Variants in IL21 observed in about 807,000 individuals in gnomAD.
The protein encoded by IL21 is interleukin-21.
A neutral mutation model predicts 18.4 loss-of-function variants in IL21; 3 were observed. The ratio of observed to expected loss-of-function variants is 0.16; its 90% CI spans 0.07 to 0.42. IL21 has a LOEUF of 0.42. Ranked by LOEUF, IL21 falls within the 10% of genes least tolerant of loss-of-function variation. The pLI, the probability that IL21 is intolerant of heterozygous loss-of-function variation, is 0.99. For missense variants in IL21, 130 were observed against 188.4 expected, an observed-to-expected ratio of 0.69 and a Z score of 1.81; for synonymous variants, 37 against 62.0, an observed-to-expected ratio of 0.60 and a Z score of 1.90.
chr4:122,612,598 G>GTT lies in IL21; in HGVS notation c.*110_*111dup. ...TAATCCTGACTTTGCACACTTATGAGTTTTTTTTTCCCATCGCTAATATAT... is the reference window on the plus strand; with the variant it reads ...TAATCCTGACTTTGCACACTTATGAGTTTTTTTTTTTCCCATCGCTAATATAT... On this transcript the variant is annotated 3_prime_UTR_variant, in exon 5 of 5. Coordinates refer to ENST00000648588, the MANE Select transcript of IL21 (RefSeq NM_021803.4). The GTT allele has an allele frequency of 1.3e-6, 1 of 749,656 alleles. No homozygotes were observed. Among genetic ancestry groups the GTT allele is most frequent in the Non-Finnish European group, 2.3e-6 (1 of 440,362 alleles). The allele number at this position is 749,656 out of a possible 1,614,324, so 46.4% of individuals were successfully genotyped here.
rs1799330271 is a variant in IL21, at chr4:122,615,844, G to A, written c.205-7C>T. On this transcript the variant is annotated splice_region_variant and splice_polypyrimidine_tract_variant and intron_variant, in intron 2 of 4. Coordinates refer to ENST00000648588, the MANE Select transcript of IL21 (RefSeq NM_021803.4). ...CTGACCACTCACAGTTTGTCTGAAAGATAAACAATTTGTATATATGTTAAC... is the reference window on the plus strand; with the variant it reads ...CTGACCACTCACAGTTTGTCTGAAAAATAAACAATTTGTATATATGTTAAC... 6 of 1,601,858 alleles carry A rather than the reference G, an allele frequency of 3.7e-6. No homozygotes were observed. The highest frequency in any genetic ancestry group is 5.1e-6 in the Non-Finnish European group (6 of 1,174,564).
chr4:122,611,668 C>T lies in IL21; in HGVS notation c.*1042G>A, dbSNP rs565166889. ...TTTCAACTTGGACAGGAGTCCTGGC[C>T]TCTTGGTTTGTCTCCTGATTTTTAA... is the stretch of plus-strand genomic sequence containing the variant. On this transcript the variant is annotated 3_prime_UTR_variant, in exon 5 of 5. Transcript: ENST00000648588. Among the ~76,000 whole-genome samples the T allele has an allele frequency of 1.3e-5, 2 of 152,210 alleles. No individual in the cohort carries two copies. Among genetic ancestry groups the T allele is most frequent in the South Asian group, 2.1e-4 (1 of 4,818 alleles).
rs548059665 is a variant in IL21 at position 122,613,643 on chromosome 4, C to T, written c.361-715G>A. Among the ~76,000 whole-genome samples the T allele has an allele frequency of 4.6e-5, 7 of 152,314 alleles. No individual in the cohort carries two copies. The East Asian group carries it at 7.7e-4, about 17-fold the overall frequency. ...CTGGGAATACAGGCATGAGCCACCA[C>T]ACCCAGCTGTATCTAACTTTTTATT... On this transcript the variant is annotated intron_variant, in intron 3 of 4. Coordinates refer to ENST00000648588, the MANE Select transcript of IL21 (RefSeq NM_021803.4).
intron 3 of IL21, among the ~76,000 whole-genome samples, chr4:122,613,524 G>T (rs1198428836): frequency 1.3e-5 from 2 of 151,706 alleles, no homozygotes; most frequent in Non-Finnish European, 2.9e-5. Context: ...GCTAATTTTT[G>T]TATTTTTAGT....
rs779884166 is a variant in IL21, at chr4:122,615,722, G to A, written c.320C>T (p.Pro107Leu). ...TCTTCTCCCTGCATTTGTGGAAGGT[G>A]GTTTCCTCTTCAGCTTTTTAATTGA... is the stretch of plus-strand genomic sequence containing the variant. ...NVSIKKLKRK[P>L]PSTNAGRRQK... The change falls in exon 3 of 5, where the codon CCA (proline) becomes CTA (leucine). Residue 107 changes from proline to leucine, a missense_variant. Pro to Leu is a moderately conservative substitution (Grantham distance 98). Coordinates refer to ENST00000648588, the MANE Select transcript of IL21 (RefSeq NM_021803.4). 2 of 1,613,538 alleles carry A rather than the reference G, an allele frequency of 1.2e-6. No homozygotes were observed. The highest frequency in any genetic ancestry group is 8.5e-7 in the Non-Finnish European group (1 of 1,179,774).
chr4:122,610,123 A>G lies in IL21; in HGVS notation c.*2587T>C, dbSNP rs1240049399. 6.6e-6 allele frequency among the ~76,000 whole-genome samples: 1 copy of G among 152,222 alleles called. No homozygotes were observed. Among genetic ancestry groups the G allele is most frequent in the Non-Finnish European group, 1.5e-5 (1 of 68,034 alleles). On this transcript the variant is annotated 3_prime_UTR_variant, in exon 5 of 5. Coordinates refer to ENST00000648588, the MANE Select transcript of IL21 (RefSeq NM_021803.4). ...AAGACGGTTGTACTGGGCGGGTAGTATTTAATATGATCAGGTCTTAAATAA... is the reference window on the plus strand; with the variant it reads ...AAGACGGTTGTACTGGGCGGGTAGTGTTTAATATGATCAGGTCTTAAATAA...
At position 122,612,979 on chromosome 4, in the gene IL21, A is replaced by G. The variant is rs1401938955; in HGVS notation, c.361-51T>C. 19 of 1,182,850 alleles carry G rather than the reference A, an allele frequency of 1.6e-5. 1 individual carries two copies. The highest frequency in any genetic ancestry group is 2.3e-5 in the Non-Finnish European group (19 of 835,638). The allele number at this position is 1,182,850 out of a possible 1,614,324, so 73.3% of individuals were successfully genotyped here. The stretch of plus-strand genomic sequence containing the variant: ...TCTTCTTTAAAATTTTTTTCGTAAT[A>G]AAATGTTTCTTAAAATTTTTTTTCA... On this transcript the variant is annotated intron_variant, in intron 3 of 4. Coordinates refer to ENST00000648588, the MANE Select transcript of IL21 (RefSeq NM_021803.4).
At position 122,610,408 on chromosome 4, in the gene IL21, CT is replaced by C. The variant is rs79834564; in HGVS notation, c.*2301del. On this transcript the variant is annotated 3_prime_UTR_variant, in exon 5 of 5. Coordinates refer to ENST00000648588, the MANE Select transcript of IL21 (RefSeq NM_021803.4). ...CTTTTCTCCCCTCCTTCCTTCCTTCCTTTTTTTTCTTGGAATATGTCCCTTG... is the reference window on the plus strand; with the variant it reads ...CTTTTCTCCCCTCCTTCCTTCCTTCCTTTTTTTCTTGGAATATGTCCCTTG... 1.3e-5 allele frequency among the ~76,000 whole-genome samples: 2 copies of C among 151,872 alleles called. No individual in the cohort carries two copies. Among genetic ancestry groups the C allele is most frequent in the South Asian group, 2.1e-4 (1 of 4,800 alleles).
In IL21 at chr4:122,614,119, G is replaced by A. The variant is rs557685676; in HGVS notation, c.361-1191C>T. On this transcript the variant is annotated intron_variant, in intron 3 of 4. Transcript: ENST00000648588. ...AGATATACGTTCTAATTCTCATTCTGACACTATTTATGGAACTTGGGGCTA... is the reference window on the plus strand; with the variant it reads ...AGATATACGTTCTAATTCTCATTCTAACACTATTTATGGAACTTGGGGCTA... 3.3e-5 allele frequency among the ~76,000 whole-genome samples: 5 copies of A among 152,288 alleles called. No homozygotes were observed. In the East Asian group the frequency reaches 9.7e-4, roughly 29 times the overall value.
Position 122,615,696 on chromosome 4 carries a change from G to A in IL21, c.346C>T (p.Gln116Ter), listed in dbSNP as rs1469620708. The change falls in exon 3 of 5, where the codon CAG becomes TAG. Residue 116 changes from glutamine to a stop codon, truncating the protein, a stop_gained. Coordinates refer to ENST00000648588, the MANE Select transcript of IL21 (RefSeq NM_021803.4). LOFTEE classifies it high-confidence loss of function. ...GACAATCTTACTAGTCTGTGTTTCT[G>A]TCTTCTCCCTGCATTTGTGGAAGGT... ...KPPSTNAGRR[Q>*]KHRLTCPSCD... 6.2e-7 allele frequency: 1 copy of A among 1,612,424 alleles called. No individual in the cohort carries two copies. The highest frequency in any genetic ancestry group is 8.5e-7 in the Non-Finnish European group (1 of 1,179,424).
chr4:122,610,580 C>T lies in IL21; in HGVS notation c.*2130G>A, dbSNP rs80254084. Among the ~76,000 whole-genome samples the T allele has an allele frequency of 6.6e-6, 1 of 152,218 alleles. No individual in the cohort carries two copies. The highest frequency in any genetic ancestry group is 1.9e-4 in the East Asian group (1 of 5,190). Reference sequence around the variant, plus strand: ...TTTAGATATTCATAGACATTTAAAGCTTTAAAAAAGAAAGAATAGACATTA... The same window carrying T: ...TTTAGATATTCATAGACATTTAAAGTTTTAAAAAAGAAAGAATAGACATTA... On this transcript the variant is annotated 3_prime_UTR_variant, in exon 5 of 5. Coordinates refer to ENST00000648588, the MANE Select transcript of IL21 (RefSeq NM_021803.4).
chr4:122,615,903 C>T, intron 2 of IL21, 66 bp from the exon 3 acceptor site: 2 of 1,351,136 alleles, frequency 1.5e-6, no homozygotes, highest in Non-Finnish European at 1.0e-6. Flanking sequence ...ATAGCTTTCC[C>T]AATCCTCTAT....
At position 122,612,667 on chromosome 4, in the gene IL21, A is replaced by T; in HGVS notation, c.*43T>A. On this transcript the variant is annotated 3_prime_UTR_variant, in exon 5 of 5. Coordinates refer to ENST00000648588, the MANE Select transcript of IL21 (RefSeq NM_021803.4). The stretch of plus-strand genomic sequence containing the variant: ...ATACAAAGAAATGACTTTCACTACT[A>T]TATTAGAGTATGTAACATAGTGTCC... The T allele has an allele frequency of 7.5e-7, 1 of 1,331,634 alleles. No homozygotes were observed. The highest frequency in any genetic ancestry group is 2.3e-5 in the East Asian group (1 of 43,476). The allele number at this position is 1,331,634 out of a possible 1,614,324, so 82.5% of individuals were successfully genotyped here. A position where few individuals can be genotyped will look rare whatever the true frequency, so the allele number is the denominator to read the frequency against.
In IL21 at chr4:122,615,849, A is replaced by G. The variant is rs760785878; in HGVS notation, c.205-12T>C. The G allele has an allele frequency of 6.3e-7, 1 of 1,598,744 alleles. No individual in the cohort carries two copies. Among genetic ancestry groups the G allele is most frequent in the Admixed American group, 1.7e-5 (1 of 58,116 alleles). On this transcript the variant is annotated splice_polypyrimidine_tract_variant and intron_variant, in intron 2 of 4. Transcript: ENST00000648588. ...CACTCACAGTTTGTCTGAAAGATAA[A>G]CAATTTGTATATATGTTAACAAACA... is the stretch of plus-strand genomic sequence containing the variant.
intron 2 of IL21, among the ~76,000 whole-genome samples, chr4:122,617,490 T>G (rs572024352): frequency 1.3e-5 from 2 of 152,324 alleles, no homozygotes; most frequent in East Asian, 3.9e-4. Flanking sequence ...ATGTGTATGC[T>G]GAAAGAAAAT....
rs769941289 is a variant in IL21, at chr4:122,621,015, T to C, written c.-4A>G. The C allele has an allele frequency of 2.5e-6, 4 of 1,613,486 alleles. No individual in the cohort carries two copies. The highest frequency in any genetic ancestry group is 1.7e-5 in the Admixed American group (1 of 59,982). ...TGTTGCCAGGACTGGATCTCATAAG[T>C]ACCAACAGTAGAGCTAGACCTTGGT... On this transcript the variant is annotated 5_prime_UTR_variant, in exon 1 of 5. Coordinates refer to ENST00000648588, the MANE Select transcript of IL21 (RefSeq NM_021803.4).
In IL21 at chr4:122,620,929, C is replaced by T. The variant is rs775921061; in HGVS notation, c.83G>A (p.Ser28Asn). Residue 28 changes from serine to asparagine, a missense_variant, in exon 1 of 5, where the codon AGC becomes AAC. Physicochemically the swap from Ser to Asn is conservative, Grantham distance 46. Transcript: ENST00000648588. The part of the protein sequence containing the change: ...IFLGTLVHKS[S>N]SQGQDRHMIR... Reference sequence around the variant, plus strand: ...CATGTGGCGATCTTGACCTTGGGAGCTTGATTTGTGGACCAGTGTCCCCAA... The same window carrying T: ...CATGTGGCGATCTTGACCTTGGGAGTTTGATTTGTGGACCAGTGTCCCCAA... 3.8e-5 allele frequency: 62 copies of T among 1,613,890 alleles called. No individual in the cohort carries two copies. Among genetic ancestry groups the T allele is most frequent in the Admixed American group, 8.3e-5 (5 of 59,990 alleles).
intron 2 of IL21, among the ~76,000 whole-genome samples, chr4:122,617,798 C>T (rs1799360186): frequency 1.3e-5 from 2 of 152,024 alleles, no homozygotes; most frequent in African/African-American, 4.8e-5. Flanking sequence ...AATATGTGGT[C>T]CAGGATAAAT....
At chr4:122,613,256 T>A (rs2150685047) in intron 3 of IL21, among the ~76,000 whole-genome samples, 1 of 151,822 alleles carries the variant, frequency 6.6e-6, no homozygotes, top group East Asian at 1.9e-4. Flanking sequence ...AAGTGTTAAA[T>A]AATCTTCAAA....
Sources: gnomAD v4.1 joint callset for allele counts (sites outside exome capture counted in the v4.1 genomes callset) on GRCh38, gnomAD v4.1.1 for gene constraint, MANE v1.5 for transcripts, NCBI Gene and HGNC (gene_info 2026-07-23, HGNC 2026-07-21) for gene names.